Variants in EXOC3L2 observed in about 807,000 individuals in gnomAD.
EXOC3L2 encodes the protein exocyst complex component 3 like 2, also known as exocyst complex component 3-like protein 2.
In EXOC3L2, 17 loss-of-function variants were observed where a neutral mutation model predicts 44.4. That is an observed-to-expected ratio of 0.38 (90% CI 0.26 to 0.57). The LOEUF is 0.57. EXOC3L2 is among the 20% of genes least tolerant of loss of function. The pLI, the probability that EXOC3L2 is intolerant of heterozygous loss-of-function variation, is 0.65. For missense variants in EXOC3L2, 541 were observed against 588.4 expected, an observed-to-expected ratio of 0.92 and a Z score of 0.83; for synonymous variants, 256 against 253.7, an observed-to-expected ratio of 1.01 and a Z score of -0.09.
At chr19:45,222,193 T>C (rs1044737597) in intron 8 of EXOC3L2, among the ~76,000 whole-genome samples, 5 of 150,538 alleles carry the variant, frequency 3.3e-5, no homozygotes, top group African/African-American at 9.8e-5. Context: ...GCTGGTTGTT[T>C]TTCTCTCCTT....
Position 45,234,830 on chromosome 19 carries a change from C to CG in EXOC3L2, c.524-5dup. On this transcript the variant is annotated splice_region_variant and splice_polypyrimidine_tract_variant and intron_variant, in intron 2 of 11. Transcript: ENST00000413988. This position sits in a 1 kb window ranked among gnomAD's most constrained non-coding sequence, Gnocchi z 5.0. ...ATCAGGCTCAGGATCTCCAGCACTG[C>CG]GGGAGCAAAGCGGGAGGTCAGCAGT... The CG allele has an allele frequency of 2.6e-6, 1 of 391,742 alleles. No homozygotes were observed. Among genetic ancestry groups the CG allele is most frequent in the Non-Finnish European group, 4.5e-6 (1 of 221,580 alleles). The allele number at this position is 391,742 out of a possible 1,614,324, so 24.3% of individuals were successfully genotyped here. A position where few individuals can be genotyped will look rare whatever the true frequency, so the allele number is the denominator to read the frequency against.
At chr19:45,232,904 C>A (rs1415614792) in intron 3 of EXOC3L2, among the ~76,000 whole-genome samples, 1 of 152,022 alleles carries the variant, frequency 6.6e-6, no homozygotes, top group East Asian at 1.9e-4. Flanking sequence ...ATGGTAAAAC[C>A]CCGCCTCTAC....
chr19:45,214,441 CA>C, intron 11 of EXOC3L2, among the ~76,000 whole-genome samples: 1 of 151,326 alleles, frequency 6.6e-6, no homozygotes, highest in East Asian at 1.9e-4. Context: ...TGATCTGGTA[CA>C]CTAGTTTTTT....
At chr19:45,219,393 C>CA (rs950797638) in intron 8 of EXOC3L2, among the ~76,000 whole-genome samples, 1,470 of 51,014 alleles carry the variant, frequency 0.029, 61 homozygotes, top group East Asian at 0.14. Flanking sequence ...GGCCCCGTCT[C>CA]AAAAAAAAAA....
At chr19:45,231,381 G>C (rs902290629) in intron 4 of EXOC3L2, among the ~76,000 whole-genome samples, 4 of 146,454 alleles carry the variant, frequency 2.7e-5, no homozygotes, top group African/African-American at 1.0e-4. Flanking sequence ...CCAGCTACTG[G>C]AGAGGCTGAG....
At chr19:45,231,454 C>A (rs933084913) in intron 4 of EXOC3L2, among the ~76,000 whole-genome samples, 2 of 100,740 alleles carry the variant, frequency 2.0e-5, no homozygotes, top group Admixed American at 2.4e-4. Flanking sequence ...CGAGACCCTG[C>A]CTCAAAAAAA....
Position 45,224,692 on chromosome 19 carries a change from T to C in EXOC3L2, c.1719+86A>G. On this transcript the variant is annotated intron_variant, in intron 8 of 11. Transcript: ENST00000413988. ...TGTCTGCTTCCCAAACACTGAGCCA[T>C]GGGCTAAAAGGAACTGGAGGATGGT... The C allele has an allele frequency of 3.4e-6, 5 of 1,460,398 alleles. No individual in the cohort carries two copies. The South Asian group carries it at 4.1e-5, about 12-fold the overall frequency. The allele number at this position is 1,460,398 out of a possible 1,614,324, so 90.5% of individuals were successfully genotyped here. A position where few individuals can be genotyped will look rare whatever the true frequency, so the allele number is the denominator to read the frequency against.
intron 8 of EXOC3L2, among the ~76,000 whole-genome samples, chr19:45,219,319 C>T (rs750362144): frequency 1.3e-4 from 19 of 140,964 alleles, no homozygotes; most frequent in Non-Finnish European, 2.8e-4. Flanking sequence ...GGCTTGAGCC[C>T]AGGAGTTCAG....
At chr19:45,240,997 C>A (rs1024131125) in intron 1 of EXOC3L2, among the ~76,000 whole-genome samples, 4 of 152,184 alleles carry the variant, frequency 2.6e-5, no homozygotes, top group African/African-American at 9.7e-5. Context: ...CAGGGCAGCC[C>A]CCATCCCTGC....
intron 1 of EXOC3L2, among the ~76,000 whole-genome samples, chr19:45,242,861 C>CAAA (rs56175442): frequency 0.043 from 3,684 of 85,498 alleles, 264 homozygotes; most frequent in African/African-American, 0.17. Context: ...AACTCCATCT[C>CAAA]AAAAAAAAAA....
chr19:45,220,570 A>T (rs746560939), intron 8 of EXOC3L2, among the ~76,000 whole-genome samples: 1 of 152,112 alleles, frequency 6.6e-6, no homozygotes, highest in African/African-American at 2.4e-5. Context: ...TTAAACCAAG[A>T]TTGGGCCTTT....
chr19:45,237,279 T>C (rs932388783), intron 2 of EXOC3L2, among the ~76,000 whole-genome samples: 2 of 151,944 alleles, frequency 1.3e-5, no homozygotes, highest in African/African-American at 4.8e-5. Context: ...GCAGGAGGAT[T>C]ACTTGAAGCC....
chr19:45,220,543 A>T (rs1340399901), intron 8 of EXOC3L2, among the ~76,000 whole-genome samples: 2 of 152,296 alleles, frequency 1.3e-5, no homozygotes, highest in African/African-American at 4.8e-5. Flanking sequence ...TAACTTTAAG[A>T]CAGTGACAGA....
chr19:45,226,023 G>C (rs1969956313), intron 7 of EXOC3L2, among the ~76,000 whole-genome samples: 1 of 152,144 alleles, frequency 6.6e-6, no homozygotes, highest in African/African-American at 2.4e-5. Flanking sequence ...TTCCGTTAGG[G>C]CATGAAGAGT....
chr19:45,245,002 TCA>T (rs1266599032), intron 1 of EXOC3L2, among the ~76,000 whole-genome samples: 1 of 151,948 alleles, frequency 6.6e-6, no homozygotes, highest in African/African-American at 2.4e-5. Context: ...CTTCCTGGCC[TCA>T]GTCTTCCCGC....
chr19:45,218,419 C>G (rs997902016), intron 8 of EXOC3L2, 100 bp from the exon 9 acceptor site: 3 of 1,372,256 alleles, frequency 2.2e-6, no homozygotes, highest in Middle Eastern at 2.6e-4. Flanking sequence ...TGAACCAGGG[C>G]TGTGCGGTGC....
At chr19:45,224,724 C>A in intron 8 of EXOC3L2, 54 bp downstream of exon 8, 1 of 1,523,464 alleles carries the variant, frequency 6.6e-7, no homozygotes, top group Non-Finnish European at 8.8e-7. Context: ...TGGTGGGGGG[C>A]AGCGCTTCCC....
intron 8 of EXOC3L2, among the ~76,000 whole-genome samples, chr19:45,223,514 T>C (rs1969920752): frequency 1.3e-5 from 2 of 151,634 alleles, no homozygotes; most frequent in African/African-American, 2.4e-5. Context: ...GGCTAATTTT[T>C]GTAATTTTAG....
At position 45,239,065 on chromosome 19, in the gene EXOC3L2, G is replaced by C; in HGVS notation, c.-16-4C>G. The stretch of plus-strand genomic sequence containing the variant: ...AGGCATTTTGACAGGTGGGGACCTG[G>C]GGAAAAAAATAATGACCATGGGCGA... On this transcript the variant is annotated splice_region_variant and splice_polypyrimidine_tract_variant and intron_variant, in intron 1 of 11. Coordinates refer to ENST00000413988, the MANE Select transcript of EXOC3L2 (RefSeq NM_001382422.1). 2.5e-6 allele frequency: 1 copy of C among 399,068 alleles called. No homozygotes were observed. The highest frequency in any genetic ancestry group is 4.4e-6 in the Non-Finnish European group (1 of 226,124). The allele number at this position is 399,068 out of a possible 1,614,324, so 24.7% of individuals were successfully genotyped here. A position where few individuals can be genotyped will look rare whatever the true frequency, so the allele number is the denominator to read the frequency against.
Sources: gnomAD v4.1 joint callset for allele counts (sites outside exome capture counted in the v4.1 genomes callset) on GRCh38, gnomAD v4.1.1 for gene constraint, Gnocchi (gnomAD v3.1) non-coding constraint, MANE v1.5 for transcripts, NCBI Gene and HGNC (gene_info 2026-07-23, HGNC 2026-07-21) for gene names.